Variants in ADAM18 observed in about 807,000 individuals in gnomAD.
ADAM18 encodes disintegrin and metalloproteinase domain-containing protein 18.
Under a neutral mutation model 94.4 loss-of-function variants are expected in ADAM18, and 117 were observed. The observed-to-expected ratio is 1.24, with a 90% CI of 1.07 to 1.45. The LOEUF is 1.45. Among genes scored for constraint, ADAM18 ranks in the 40% most tolerant of loss-of-function variants. The pLI, the probability that ADAM18 is intolerant of heterozygous loss-of-function variation, is 0.00. For missense variants in ADAM18, 936 were observed against 880.0 expected (o/e 1.06, Z -0.81); for synonymous variants, 327 against 291.6 (o/e 1.12, Z -1.24).
chr8:39,592,904 A>G (rs1329209632), intron 2 of ADAM18, among the ~76,000 whole-genome samples: 2 of 152,098 alleles, frequency 1.3e-5, no homozygotes, highest in Non-Finnish European at 2.9e-5. Flanking sequence ...TAGATGGTGT[A>G]TTCTTCCAGT....
chr8:39,585,495 T>G, intron 2 of ADAM18, 143 bp downstream of exon 2: 1 of 614,992 alleles, frequency 1.6e-6, no homozygotes, highest in Non-Finnish European at 2.8e-6. Flanking sequence ...CTACCGTGTT[T>G]TGATCCTCTT....
At chr8:39,673,906 G>T (rs1350739379) in intron 14 of ADAM18, among the ~76,000 whole-genome samples, 2 of 152,158 alleles carry the variant, frequency 1.3e-5, no homozygotes, top group Admixed American at 1.3e-4. Flanking sequence ...GGAGCAAATT[G>T]TTCAGTTTCC....
intron 2 of ADAM18, among the ~76,000 whole-genome samples, chr8:39,592,408 T>C (rs928539970): frequency 2.0e-5 from 3 of 152,192 alleles, no homozygotes. Context: ...ATTGCAGCAC[T>C]ATTCACCATA....
rs559717956 is a variant in ADAM18, at chr8:39,686,704, C to T, written c.1822-5896C>T. On this transcript the variant is annotated intron_variant, in intron 16 of 19. Coordinates refer to ENST00000265707, the MANE Select transcript of ADAM18 (RefSeq NM_014237.3). Reference sequence around the variant, plus strand: ...TTAAATGATTACAATTTCTGACATACGAAAAACAACATTAATTAAGAAAAA... The same window carrying T: ...TTAAATGATTACAATTTCTGACATATGAAAAACAACATTAATTAAGAAAAA... 1.5e-4 allele frequency among the ~76,000 whole-genome samples: 23 copies of T among 152,138 alleles called. 2 individuals are homozygous for T. Among genetic ancestry groups the T allele is most frequent in the Middle Eastern group, 3.4e-3 (1 of 294 alleles).
chr8:39,676,600 TGGGCAGGGGCAAC>T (rs1235454167), intron 14 of ADAM18, among the ~76,000 whole-genome samples: 1 of 166 alleles, frequency 6.0e-3, no homozygotes, highest in African/African-American at 0.017. Context: ...TTGCTCTTCT[TGGGCAGGGGCAAC>T]GCCCCGCCCT....
At chr8:39,627,608 C>T (rs1470330274) in intron 6 of ADAM18, among the ~76,000 whole-genome samples, 1 of 152,050 alleles carries the variant, frequency 6.6e-6, no homozygotes, top group African/African-American at 2.4e-5. Context: ...AGAATCTTTA[C>T]ATGTTAGGTG....
intron 6 of ADAM18, chr8:39,611,283 C>A: frequency 2.1e-6 from 1 of 486,892 alleles, no homozygotes; most frequent in Non-Finnish European, 2.7e-6. Flanking sequence ...GAGATTCTTC[C>A]TTTGCCTTTG....
chr8:39,728,410 G>A (rs893445765), intron 19 of ADAM18, among the ~76,000 whole-genome samples: 2 of 152,096 alleles, frequency 1.3e-5, no homozygotes, highest in African/African-American at 4.8e-5. Context: ...TATTTATCAT[G>A]CCTTCAGTGA....
chr8:39,721,300 G>C (rs567604510), intron 18 of ADAM18, among the ~76,000 whole-genome samples: 2 of 151,344 alleles, frequency 1.3e-5, no homozygotes, highest in East Asian at 1.9e-4. Context: ...TGTAAGACTT[G>C]AAAGTATAAA....
At chr8:39,694,753 C>G (rs1016045468) in intron 17 of ADAM18, among the ~76,000 whole-genome samples, 1 of 151,496 alleles carries the variant, frequency 6.6e-6, no homozygotes, top group Admixed American at 6.6e-5. Flanking sequence ...TCCTGTGCTA[C>G]TAATTATACA....
intron 14 of ADAM18, among the ~76,000 whole-genome samples, chr8:39,674,955 C>G (rs542047051): frequency 1.4e-4 from 22 of 152,338 alleles, no homozygotes; most frequent in African/African-American, 5.1e-4. Flanking sequence ...TTTGCCCCCA[C>G]TCTCTTCTGG....
chr8:39,681,590 A>T (rs1821460109), intron 16 of ADAM18, among the ~76,000 whole-genome samples: 2 of 152,214 alleles, frequency 1.3e-5, no homozygotes. Context: ...TGCTGTAACA[A>T]ATACCTTAAA....
rs905105402 is a variant in ADAM18 at position 39,671,595 on chromosome 8, C to T, written c.1525+3399C>T. The stretch of plus-strand genomic sequence containing the variant: ...CCAATTGGGAGAAGAATGGGACCTA[C>T]CCTTGGGATGGAGACAATTGAAAAT... On this transcript the variant is annotated intron_variant, in intron 14 of 19. Coordinates refer to ENST00000265707, the MANE Select transcript of ADAM18 (RefSeq NM_014237.3). Among the ~76,000 whole-genome samples the T allele has an allele frequency of 3.3e-5, 5 of 152,124 alleles. No individual in the cohort carries two copies. In the East Asian group the frequency reaches 9.6e-4, roughly 29 times the overall value.
At chr8:39,585,159 G>A (rs971092770) in intron 1 of ADAM18, 117 bp from the exon 2 acceptor site, 2 of 687,666 alleles carry the variant, frequency 2.9e-6, no homozygotes, top group African/African-American at 3.7e-5. Flanking sequence ...GCACATGAGA[G>A]AACTTCTACT....
At chr8:39,656,544 T>C (rs1820689480) in intron 12 of ADAM18, among the ~76,000 whole-genome samples, 1 of 152,114 alleles carries the variant, frequency 6.6e-6, no homozygotes, top group South Asian at 2.1e-4. Flanking sequence ...CATAAGCGAA[T>C]ATGTAGTCTA....
chr8:39,595,570 G>T (rs1201049259), intron 2 of ADAM18, among the ~76,000 whole-genome samples: 4 of 152,124 alleles, frequency 2.6e-5, no homozygotes, highest in Non-Finnish European at 5.9e-5. Context: ...CTCCAGGCTG[G>T]AGTACAGTGG....
chr8:39,668,231 C>A (rs2305392), intron 14 of ADAM18, 35 bp downstream of exon 14: 1,169,912 of 1,600,148 alleles, frequency 0.73, 434,195 homozygotes, highest in Non-Finnish European at 0.76. Context: ...TTTTACCTTA[C>A]ATTTGCATCT....
At chr8:39,627,989 C>G (rs978627735) in intron 6 of ADAM18, among the ~76,000 whole-genome samples, 4 of 151,912 alleles carry the variant, frequency 2.6e-5, no homozygotes, top group African/African-American at 9.7e-5. Flanking sequence ...GTTTTGCTGG[C>G]TATGAAATTC....
intron 12 of ADAM18, among the ~76,000 whole-genome samples, chr8:39,662,902 G>A (rs1012234459): frequency 1.3e-5 from 2 of 152,334 alleles, no homozygotes; most frequent in African/African-American, 4.8e-5. Flanking sequence ...TGGGATTACA[G>A]GCGTGAGCCA....
Sources: allele counts gnomAD v4.1 joint callset (sites outside exome capture counted in the v4.1 genomes callset), GRCh38; gene constraint gnomAD v4.1.1; transcripts MANE v1.5; gene names NCBI Gene and HGNC (gene_info 2026-07-23, HGNC 2026-07-21).